GNL3L: variants seen among roughly 807,000 people sequenced by gnomAD.
GNL3L encodes G protein nucleolar 3 like.
GNL3L carries 4 observed loss-of-function variants against 42.9 expected under a neutral mutation model. That is an observed-to-expected ratio of 0.09 (90% CI 0.05 to 0.21). The LOEUF is 0.21. Among genes scored for constraint, GNL3L ranks in the 10% least tolerant of loss-of-function variants. The probability of loss-of-function intolerance (pLI) is 1.00; values close to 1 mark genes in which losing one functional copy is unlikely to be tolerated. For synonymous variants in GNL3L, 159 were observed against 176.3 expected (o/e 0.90, Z 0.78); for missense variants, 412 against 481.7 (o/e 0.86, Z 1.36).
At chrX:54,568,844 C>T (rs758859941), downstream of GNL3L, among the ~76,000 whole-genome samples, 13 of 112,385 alleles carry the variant, frequency 1.2e-4, no homozygotes, top group East Asian at 1.1e-3. Flanking sequence ...TGAGCCACGA[C>T]GCCTGGCCAA....
chrX:54,635,369 G>A, the GNL3L span, among the ~76,000 whole-genome samples: 1 of 111,537 alleles, frequency 9.0e-6, no homozygotes, highest in Non-Finnish European at 1.9e-5. Flanking sequence ...TAAGTCAATT[G>A]TTTTAAAGTG....
At chrX:54,606,301 C>A (rs1230944277) in intron 16 of GNL3L, among the ~76,000 whole-genome samples, 2 of 111,284 alleles carry the variant, frequency 1.8e-5, no homozygotes, top group Admixed American at 9.6e-5. Flanking sequence ...GGATGAACCT[C>A]AGAAACCTCA....
intron 8 of GNL3L, among the ~76,000 whole-genome samples, chrX:54,547,753 A>G (rs5960311): frequency 0.15 from 17,115 of 110,907 alleles, 2,167 homozygotes; most frequent in African/African-American, 0.42. Flanking sequence ...GGGCAGAGGA[A>G]GTGGCATCAG....
At chrX:54,641,000 G>A in the GNL3L span, among the ~76,000 whole-genome samples, 2 of 111,780 alleles carry the variant, frequency 1.8e-5, no homozygotes, top group South Asian at 3.7e-4. Flanking sequence ...CACTGAGACA[G>A]GGAATCTGAG....
chrX:54,640,074 C>A, the GNL3L span, among the ~76,000 whole-genome samples: 7 of 110,462 alleles, frequency 6.3e-5, 1 homozygote, highest in African/African-American at 2.3e-4. Flanking sequence ...ACAAGTGGGC[C>A]CATAAAGACT....
At chrX:54,539,004 A>G (rs1213454391) in intron 2 of GNL3L, 36 bp from the exon 3 acceptor site, 6 of 873,626 alleles carry the variant, frequency 6.9e-6, no homozygotes, top group Non-Finnish European at 9.7e-6. Flanking sequence ...GTGTAGATGG[A>G]TGACGGCTCT....
At position 54,563,757 on chromosome X, in the gene GNL3L, G is replaced by A. The variant is rs1327250554; in HGVS notation, c.*3155G>A. On this transcript the variant is annotated 3_prime_UTR_variant, in exon 16 of 16. Transcript: ENST00000360845. Reference sequence around the variant, plus strand: ...GCCGAGATTGTGCCACTGCTCTCCAGCGTGGGCAACAGAGTGAGACTGTCT... The same window carrying A: ...GCCGAGATTGTGCCACTGCTCTCCAACGTGGGCAACAGAGTGAGACTGTCT... 9.1e-6 allele frequency among the ~76,000 whole-genome samples: 1 copy of A among 110,449 alleles called. No homozygotes were observed. Among genetic ancestry groups the A allele is most frequent in the Non-Finnish European group, 1.9e-5 (1 of 52,838 alleles).
At chrX:54,586,942 G>T (rs1925790978) in intron 16 of GNL3L, among the ~76,000 whole-genome samples, 2 of 111,831 alleles carry the variant, frequency 1.8e-5, no homozygotes, top group Admixed American at 1.9e-4. Context: ...CCCACCTGTA[G>T]GTTTGGAGAC....
At chrX:54,596,141 G>A (rs920477690) in intron 16 of GNL3L, among the ~76,000 whole-genome samples, 7 of 111,914 alleles carry the variant, frequency 6.3e-5, no homozygotes, top group Non-Finnish European at 9.4e-5. Context: ...GTTCATCTGT[G>A]TCTGGACATT....
rs760082595 is a variant in GNL3L, at chrX:54,589,393, A to G, written c.*45+28746A>G. The stretch of plus-strand genomic sequence containing the variant: ...TCCCTACTTCCCCTCCCAATCCCCC[A>G]TTACCCTTCCCGGCCTCTGGTAACC... On this transcript the variant is annotated intron_variant, in intron 16 of 16. Transcript: ENST00000674498. Among the ~76,000 whole-genome samples the G allele has an allele frequency of 2.7e-5, 3 of 109,799 alleles. No homozygotes were observed. The South Asian group carries it at 1.2e-3, about 44-fold the overall frequency.
chrX:54,585,923 T>G (rs2147517750), intron 16 of GNL3L, among the ~76,000 whole-genome samples: 2 of 111,688 alleles, frequency 1.8e-5, no homozygotes, highest in East Asian at 5.6e-4. Context: ...GCCATCCATT[T>G]TGGCATGTTG....
the GNL3L span, among the ~76,000 whole-genome samples, chrX:54,643,638 CTT>C: frequency 2.7e-5 from 3 of 111,151 alleles, no homozygotes; most frequent in Admixed American, 9.7e-5. Context: ...CAAATCTACT[CTT>C]TTAGTTATTT....
intron 9 of GNL3L, among the ~76,000 whole-genome samples, chrX:54,550,205 C>CGAGAGAGAGA (rs58576849): frequency 1.1e-5 from 1 of 91,146 alleles, no homozygotes; most frequent in African/African-American, 4.1e-5. Flanking sequence ...TGGGAATGAC[C>CGAGAGAGAGA]GAGAGAGAGA....
chrX:54,578,839 G>A (rs72620354), intron 16 of GNL3L, among the ~76,000 whole-genome samples: 1 of 112,299 alleles, frequency 8.9e-6, no homozygotes, highest in African/African-American at 3.2e-5. Context: ...CTGCAAAAAT[G>A]TATGGGAGTT....
chrX:54,617,469 T>C (rs1226520002), intron 16 of GNL3L, among the ~76,000 whole-genome samples: 1 of 111,979 alleles, frequency 8.9e-6, no homozygotes, highest in East Asian at 2.8e-4. Context: ...GGCTTTTAGC[T>C]GTGTTTTCTC....
At chrX:54,590,934 G>C (rs1048378016) in intron 16 of GNL3L, among the ~76,000 whole-genome samples, 5 of 110,341 alleles carry the variant, frequency 4.5e-5, no homozygotes, top group Non-Finnish European at 9.5e-5. Flanking sequence ...GGGTTCAAGC[G>C]ATTCTCCTGC....
rs769638915 is a variant in GNL3L at position 54,539,139 on chromosome X, A to G, written c.81+38A>G. 32 of 794,052 alleles carry G rather than the reference A, an allele frequency of 4.0e-5. No homozygotes were observed. In the East Asian group the frequency reaches 6.2e-4, roughly 15 times the overall value. The allele number at this position is 794,052 out of a possible 1,213,427, so 65.4% of individuals were successfully genotyped here. On this transcript the variant is annotated intron_variant, in intron 3 of 15. Transcript: ENST00000360845. Reference sequence around the variant, plus strand: ...TGTTGTTGAGGGTAAGGTCAAGAACAGGTTGCTTGTCCTGGGAGAGGCCCA... The same window carrying G: ...TGTTGTTGAGGGTAAGGTCAAGAACGGGTTGCTTGTCCTGGGAGAGGCCCA...
chrX:54,622,582 G>A (rs1926302664), downstream of GNL3L, among the ~76,000 whole-genome samples: 1 of 109,946 alleles, frequency 9.1e-6, no homozygotes, highest in African/African-American at 3.3e-5. Context: ...ACTGCACCCG[G>A]CCGAGTTGCA....
rs1204414832 is a variant in GNL3L, at chrX:54,560,589, G to T, written c.1736G>T (p.Gly579Val). ...ALDLSGNADD[G>V]VGD is the part of the protein sequence containing the mutation. ...GACCTCTCTGGCAATGCTGATGATG[G>T]TGTTGGTGACTAATCGACTGATCTC... Residue 579 changes from glycine (G) to valine (V), a missense_variant, in exon 16 of 16, where the codon GGT becomes GTT. Coordinates refer to ENST00000360845, the MANE Select transcript of GNL3L (RefSeq NM_001184819.2). 2.6e-6 allele frequency: 3 copies of T among 1,134,459 alleles called. No individual in the cohort carries two copies. In the African/African-American group the frequency reaches 5.4e-5, roughly 20 times the overall value. 93.5% of individuals were successfully genotyped at this position (1,134,459 alleles called of 1,213,427 possible).
Sources: allele counts gnomAD v4.1 joint callset (sites outside exome capture counted in the v4.1 genomes callset), GRCh38; gene constraint gnomAD v4.1.1; transcripts MANE v1.5; gene names NCBI Gene and HGNC (gene_info 2026-07-23, HGNC 2026-07-21).